Variants in APLF observed in about 807,000 individuals in gnomAD.
APLF encodes aprataxin and PNKP like factor.
Under a neutral mutation model 55.6 loss-of-function variants are expected in APLF, and 61 were observed. That is an observed-to-expected ratio of 1.10 (90% CI 0.89 to 1.36). The LOEUF (loss-of-function observed/expected upper bound fraction) is 1.36. Among genes scored for constraint, APLF ranks in the 40% most tolerant of loss-of-function variants. APLF has a pLI of 0.00. For synonymous variants in APLF, 207 were observed against 214.8 expected (o/e 0.96, Z 0.32); for missense variants, 611 against 602.5 (o/e 1.01, Z -0.15).
rs1055543492 is a variant in APLF at position 68,518,137 on chromosome 2, A to G, written c.622+4457A>G. Among the ~76,000 whole-genome samples, 3 of 127,328 alleles carry G rather than the reference A, an allele frequency of 2.4e-5. No homozygotes were observed. The East Asian group carries it at 6.7e-4, about 29-fold the overall frequency. 83.5% of individuals were successfully genotyped at this position (127,328 alleles called of 152,430 possible). A position where few individuals can be genotyped will look rare whatever the true frequency, so the allele number is the denominator to read the frequency against. Reference sequence around the variant, plus strand: ...ATATACAATATTAATATATATTAATATATAATAATATATTATTAATGTATA... The same window carrying G: ...ATATACAATATTAATATATATTAATGTATAATAATATATTATTAATGTATA... On this transcript the variant is annotated intron_variant, in intron 5 of 9. Transcript: ENST00000303795.
chr2:68,572,564 G>A (rs1209956867), intron 9 of APLF, among the ~76,000 whole-genome samples: 3 of 152,230 alleles, frequency 2.0e-5, no homozygotes, highest in African/African-American at 4.8e-5. Flanking sequence ...GGCTGGGTGT[G>A]GTGGCTCATG....
At chr2:68,473,579 A>G (rs2103874016) in intron 1 of APLF, among the ~76,000 whole-genome samples, 1 of 152,308 alleles carries the variant, frequency 6.6e-6, no homozygotes, top group South Asian at 2.1e-4. Context: ...TTAGTGTTGT[A>G]AGAAACCGCC....
chr2:68,563,359 G>T (rs1671216592), intron 8 of APLF: 2 of 982,512 alleles, frequency 2.0e-6, no homozygotes, highest in Admixed American at 6.2e-5. Context: ...TTCTTTCATA[G>T]TTATTTGCTC....
chr2:68,468,989 GGTGT>G (rs34695552), intron 1 of APLF, among the ~76,000 whole-genome samples: 3,708 of 146,716 alleles, frequency 0.025, 57 homozygotes, highest in South Asian at 0.034. Context: ...GTCCTAAAGG[GGTGT>G]GTGTGTGTGT....
chr2:68,482,052 T>C (rs1353042494), intron 1 of APLF, among the ~76,000 whole-genome samples: 2 of 152,004 alleles, frequency 1.3e-5, no homozygotes, highest in Admixed American at 1.3e-4. Context: ...GTTGACTTTC[T>C]TAAAGTTATT....
intron 6 of APLF, among the ~76,000 whole-genome samples, chr2:68,536,433 C>A (rs768968403): frequency 6.6e-6 from 1 of 152,010 alleles, no homozygotes; most frequent in Non-Finnish European, 1.5e-5. Context: ...AGATGGCATC[C>A]AGCATACATG....
chr2:68,467,871 T>G (rs907492087), intron 1 of APLF, 44 bp downstream of exon 1: 24 of 1,218,934 alleles, frequency 2.0e-5, no homozygotes, highest in Non-Finnish European at 2.4e-5. Flanking sequence ...AGCCGTGGAG[T>G]TCCGCGCCGG....
intron 1 of APLF, among the ~76,000 whole-genome samples, chr2:68,488,941 GT>G (rs1165401978): frequency 6.6e-6 from 1 of 151,860 alleles, no homozygotes; most frequent in Non-Finnish European, 1.5e-5. Flanking sequence ...CCTGCACATT[GT>G]GCACATGTAC....
intron 9 of APLF, among the ~76,000 whole-genome samples, chr2:68,570,584 G>T: frequency 6.6e-6 from 1 of 151,974 alleles, no homozygotes; most frequent in African/African-American, 2.4e-5. Context: ...GAGAATGTTG[G>T]TTTCCAGCTT....
chr2:68,571,643 T>C (rs1401041981), intron 9 of APLF, among the ~76,000 whole-genome samples: 1 of 152,218 alleles, frequency 6.6e-6, no homozygotes, highest in Non-Finnish European at 1.5e-5. Flanking sequence ...TTCTGTTCCA[T>C]TGATGTATAT....
intron 2 of APLF, among the ~76,000 whole-genome samples, chr2:68,502,374 G>C (rs923207855): frequency 2.0e-5 from 3 of 152,094 alleles, no homozygotes; most frequent in African/African-American, 7.2e-5. Context: ...GGGGGACTCA[G>C]TTTCTCCATA....
chr2:68,479,016 A>G (rs1197446621), intron 1 of APLF, among the ~76,000 whole-genome samples: 1 of 152,148 alleles, frequency 6.6e-6, no homozygotes, highest in Non-Finnish European at 1.5e-5. Flanking sequence ...CCAGTAAGAG[A>G]CTGCCTTTTA....
chr2:68,474,200 C>T (rs1675703512), intron 1 of APLF, among the ~76,000 whole-genome samples: 1 of 152,210 alleles, frequency 6.6e-6, no homozygotes, highest in Non-Finnish European at 1.5e-5. Context: ...TCTACATGTT[C>T]ACCTGTTTGG....
chr2:68,519,680 A>ATG (rs1669835791), intron 5 of APLF, among the ~76,000 whole-genome samples: 2 of 149,072 alleles, frequency 1.3e-5, no homozygotes, highest in South Asian at 4.2e-4. Context: ...AAATATATGT[A>ATG]TATATATATA....
intron 5 of APLF, among the ~76,000 whole-genome samples, chr2:68,516,938 TATA>T (rs1669599182): frequency 8.1e-6 from 1 of 123,556 alleles, no homozygotes; most frequent in Non-Finnish European, 1.6e-5. Flanking sequence ...TAATATATAA[TATA>T]ATATATATAA....
chr2:68,543,434 C>CA (rs1435928439), intron 7 of APLF, among the ~76,000 whole-genome samples: 1 of 151,910 alleles, frequency 6.6e-6, no homozygotes, highest in Non-Finnish European at 1.5e-5. Flanking sequence ...TGTGAAAAAA[C>CA]AAAAAAGAAA....
chr2:68,543,704 T>G (rs1275908776), intron 7 of APLF, among the ~76,000 whole-genome samples: 1 of 152,186 alleles, frequency 6.6e-6, no homozygotes, highest in Non-Finnish European at 1.5e-5. Flanking sequence ...TTATCAGTAG[T>G]AAAATGGATA....
intron 5 of APLF, among the ~76,000 whole-genome samples, chr2:68,525,742 CTTTT>C (rs386390398): frequency 3.0e-4 from 25 of 82,024 alleles, no homozygotes; most frequent in African/African-American, 1.2e-3. Flanking sequence ...TTCTTTCTTT[CTTTT>C]TTTTTTTTTT....
rs375492979 is a variant in APLF, at chr2:68,519,045, A to AAT, written c.622+5369_622+5370dup. Among the ~76,000 whole-genome samples the AAT allele has an allele frequency of 4.5e-3, 502 of 111,384 alleles. 1 individual carries two copies. The highest frequency in any genetic ancestry group is 5.8e-3 in the Non-Finnish European group (323 of 55,678). 73.1% of individuals were successfully genotyped at this position (111,384 alleles called of 152,430 possible). ...ATATAATATATGATTAATATATAAT[A>AAT]ATATAATATATAATTAATATATAAT... On this transcript the variant is annotated intron_variant, in intron 5 of 9. Coordinates refer to ENST00000303795, the MANE Select transcript of APLF (RefSeq NM_173545.3).
Sources: allele counts gnomAD v4.1 joint callset (sites outside exome capture counted in the v4.1 genomes callset), GRCh38; gene constraint gnomAD v4.1.1; transcripts MANE v1.5; gene names NCBI Gene and HGNC (gene_info 2026-07-23, HGNC 2026-07-21).